PDE4A: variants seen among roughly 807,000 people sequenced by gnomAD.
The protein encoded by PDE4A is phosphodiesterase 4A, also known as 3',5'-cyclic-AMP phosphodiesterase 4A.
In PDE4A, 21 loss-of-function variants were observed where a neutral mutation model predicts 73.9. That is an observed-to-expected ratio of 0.28 (90% CI 0.20 to 0.41). The LOEUF (loss-of-function observed/expected upper bound fraction) is 0.41. Among genes scored for constraint, PDE4A ranks in the 10% least tolerant of loss-of-function variants. The pLI is 1.00. For synonymous variants in PDE4A, 463 were observed against 505.4 expected, an observed-to-expected ratio of 0.92 and a Z score of 1.13; for missense variants, 958 against 1,211.4, an observed-to-expected ratio of 0.79 and a Z score of 3.10.
chr19:10,448,916 G>A lies in PDE4A; in HGVS notation c.513-1G>A. 1 of 1,613,880 alleles carries A rather than the reference G, an allele frequency of 6.2e-7. No individual in the cohort carries two copies. Among genetic ancestry groups the A allele is most frequent in the South Asian group, 1.1e-5 (1 of 91,042 alleles). On this transcript the variant is annotated splice_acceptor_variant, in intron 2 of 14. Coordinates refer to ENST00000380702, the MANE Select transcript of PDE4A (RefSeq NM_001111307.2). LOFTEE classifies it high-confidence loss of function. Reference sequence around the variant, plus strand: ...TGACCTGCCTCTGTCCTCAATCACAGGCACGCTGAAGACCTCATCGTAACA... The same window carrying A: ...TGACCTGCCTCTGTCCTCAATCACAAGCACGCTGAAGACCTCATCGTAACA...
intron 1 of PDE4A, among the ~76,000 whole-genome samples, chr19:10,431,991 C>G (rs1052572786): frequency 6.6e-6 from 1 of 152,086 alleles, no homozygotes; most frequent in Admixed American, 6.5e-5. Flanking sequence ...GTCACCCGGC[C>G]CCACACTCGA....
Position 10,436,598 on chromosome 19 carries a change from G to C in PDE4A, c.321-9620G>C, listed in dbSNP as rs536648857. On this transcript the variant is annotated intron_variant, in intron 1 of 14. Coordinates refer to ENST00000380702, the MANE Select transcript of PDE4A (RefSeq NM_001111307.2). ...CAGGACCTATATGTTAACTTATAGA[G>C]TGGGTTGGAGCCCTCTGTCGGTTAA... Among the ~76,000 whole-genome samples, 4 of 152,298 alleles carry C rather than the reference G, an allele frequency of 2.6e-5. No individual in the cohort carries two copies. In the East Asian group the frequency reaches 5.8e-4, roughly 22 times the overall value.
Position 10,420,615 on chromosome 19 carries a change from C to A in PDE4A, c.-150C>A. 7.7e-7 allele frequency: 1 copy of A among 1,303,408 alleles called. No individual in the cohort carries two copies. The highest frequency in any genetic ancestry group is 9.7e-7 in the Non-Finnish European group (1 of 1,031,180). The allele number at this position is 1,303,408 out of a possible 1,614,324, so 80.7% of individuals were successfully genotyped here. ...GCCCGGCCCGGGGGCGATTGGCCCGCAGCGCCCCCGGGTCTGTCCCCGGGG... is the reference window on the plus strand; with the variant it reads ...GCCCGGCCCGGGGGCGATTGGCCCGAAGCGCCCCCGGGTCTGTCCCCGGGG... On this transcript the variant is annotated 5_prime_UTR_variant, in exon 1 of 15. Transcript: ENST00000380702. This position sits in a 1 kb window ranked among gnomAD's most constrained non-coding sequence, Gnocchi z 6.0.
At chr19:10,433,339 C>T (rs2042820705) in intron 1 of PDE4A, among the ~76,000 whole-genome samples, 1 of 152,142 alleles carries the variant, frequency 6.6e-6, no homozygotes, top group South Asian at 2.1e-4. Context: ...CACTGCGTTC[C>T]TCCACAGTGG....
At chr19:10,430,589 C>T (rs1239259251) in intron 1 of PDE4A, among the ~76,000 whole-genome samples, 1 of 152,008 alleles carries the variant, frequency 6.6e-6, no homozygotes, top group African/African-American at 2.4e-5. Flanking sequence ...TTTGTGGGGA[C>T]GCGTCCGGCG....
At chr19:10,420,307 G>C, upstream of PDE4A, 5 of 835,526 alleles carry the variant, frequency 6.0e-6, no homozygotes, top group Non-Finnish European at 7.2e-6. The surrounding 1 kb of genome is among the most constrained non-coding windows in gnomAD (Gnocchi z 6.0). Context: ...GGCCAAGCAG[G>C]GTGCTTTGAA....
intron 1 of PDE4A, among the ~76,000 whole-genome samples, chr19:10,441,343 T>C (rs928888155): frequency 3.9e-5 from 6 of 151,978 alleles, no homozygotes; most frequent in Admixed American, 2.6e-4. Flanking sequence ...TCTGGGCTGG[T>C]CTCGAACTCC....
In PDE4A at chr19:10,420,942, C is replaced by T; in HGVS notation, c.178C>T (p.Gln60Ter). 1 of 1,567,248 alleles carries T rather than the reference C, an allele frequency of 6.4e-7. No homozygotes were observed. The highest frequency in any genetic ancestry group is 8.6e-7 in the Non-Finnish European group (1 of 1,165,766). The part of the protein sequence containing the change: ...DSAERAERER[Q>*]PHRPIERADA... ...CGCGGAGCGCGCCGAGCGGGAGCGG[C>T]AGCCGCACCGGCCCATAGAGCGCGC... The change falls in exon 1 of 15, where the codon CAG becomes TAG. Residue 60 changes from glutamine (Q) to a stop codon, truncating the protein, a stop_gained. Transcript: ENST00000380702. LOFTEE classifies it high-confidence loss of function. The surrounding 1 kb of genome is among the most constrained non-coding windows in gnomAD (Gnocchi z 6.0).
chr19:10,450,823 C>G lies in PDE4A; in HGVS notation c.671-6C>G. ...TCAGTCACTACCCTGGCTGCCCCTTCCTTAGAAGAAACGTGTCAGCAGTTG... is the reference window on the plus strand; with the variant it reads ...TCAGTCACTACCCTGGCTGCCCCTTGCTTAGAAGAAACGTGTCAGCAGTTG... On this transcript the variant is annotated splice_region_variant and splice_polypyrimidine_tract_variant and intron_variant, in intron 5 of 14. Transcript: ENST00000380702. The G allele has an allele frequency of 6.2e-7, 1 of 1,604,694 alleles. No individual in the cohort carries two copies. Among genetic ancestry groups the G allele is most frequent in the Non-Finnish European group, 8.5e-7 (1 of 1,175,806 alleles).
intron 1 of PDE4A, chr19:10,431,221 C>T: frequency 1.6e-6 from 1 of 618,248 alleles, no homozygotes; most frequent in East Asian, 3.5e-5. Context: ...AAAATCATCC[C>T]TGACCGCCAG....
At chr19:10,425,272 T>G (rs1429712352) in intron 1 of PDE4A, among the ~76,000 whole-genome samples, 1 of 151,592 alleles carries the variant, frequency 6.6e-6, no homozygotes, top group Non-Finnish European at 1.5e-5. Flanking sequence ...TGCAGACCGC[T>G]GGGTAACATT....
chr19:10,448,422 A>G (rs554843903), intron 2 of PDE4A, among the ~76,000 whole-genome samples: 24 of 152,146 alleles, frequency 1.6e-4, no homozygotes, highest in Non-Finnish European at 2.4e-4. Context: ...AGATTGTTCC[A>G]GGCCAGGAGT....
Position 10,461,984 on chromosome 19 carries a change from C to A in PDE4A, c.1728C>A (p.Tyr576Ter), listed in dbSNP as rs202016131. 1 of 1,613,624 alleles carries A rather than the reference C, an allele frequency of 6.2e-7. No individual in the cohort carries two copies. The highest frequency in any genetic ancestry group is 2.2e-5 in the East Asian group (1 of 44,888). Residue 576 changes from tyrosine to a stop codon, truncating the protein, a stop_gained, in exon 13 of 15, where the codon TAC becomes TAA. Transcript: ENST00000380702. LOFTEE classifies it high-confidence loss of function. ...TSSGVLLLDN[Y>*]SDRIQVLRNM... is the part of the protein sequence containing the mutation. The stretch of plus-strand genomic sequence containing the variant: ...CAGGGGTCCTCCTGCTAGATAACTA[C>A]TCCGACCGCATCCAGGTGCCCCCAC...
At chr19:10,428,721 T>C in intron 1 of PDE4A, 2 of 953,820 alleles carry the variant, frequency 2.1e-6, no homozygotes, top group Non-Finnish European at 2.5e-6. Flanking sequence ...TAGCCCGAGA[T>C]CAAATGGCTA....
rs556158597 is a variant in PDE4A, at chr19:10,424,948, C to T, written c.320+3864C>T. Among the ~76,000 whole-genome samples the T allele has an allele frequency of 3.5e-4, 54 of 152,314 alleles. No homozygotes were observed. The highest frequency in any genetic ancestry group is 1.3e-3 in the African/African-American group (54 of 41,582). On this transcript the variant is annotated intron_variant, in intron 1 of 14. Transcript: ENST00000380702. This position sits in a 1 kb window ranked among gnomAD's most constrained non-coding sequence, Gnocchi z 4.8. ...TAGGAGTTAAAAACCAGATCTCGGC[C>T]AGGCGCGGTGGCTCTGTAATCTGAG...
rs1450105682 is a variant in PDE4A, at chr19:10,453,783, C to T, written c.784-1046C>T. On this transcript the variant is annotated intron_variant, in intron 6 of 14. Coordinates refer to ENST00000380702, the MANE Select transcript of PDE4A (RefSeq NM_001111307.2). The surrounding 1 kb of genome is among the most constrained non-coding windows in gnomAD (Gnocchi z 4.6). ...TGATCTGTGTGTCTGGGCTGTGTGACGCTGTGTAGGACTGAGAGCCTGTGA... is the reference window on the plus strand; with the variant it reads ...TGATCTGTGTGTCTGGGCTGTGTGATGCTGTGTAGGACTGAGAGCCTGTGA... 2.6e-5 allele frequency among the ~76,000 whole-genome samples: 4 copies of T among 152,014 alleles called. No homozygotes were observed. Among genetic ancestry groups the T allele is most frequent in the African/African-American group, 7.3e-5 (3 of 41,368 alleles).
chr19:10,445,120 G>A (rs2042986697), intron 1 of PDE4A, among the ~76,000 whole-genome samples: 1 of 152,188 alleles, frequency 6.6e-6, no homozygotes. Flanking sequence ...ATCCATCGAA[G>A]GTTCTGAGCA....
At chr19:10,443,996 G>A (rs1292661500) in intron 1 of PDE4A, among the ~76,000 whole-genome samples, 18 of 130,812 alleles carry the variant, frequency 1.4e-4, no homozygotes, top group African/African-American at 5.4e-4. Context: ...GACAGAGCAA[G>A]ACTGTCTCAA....
At chr19:10,460,607 C>T (rs2043247724) in intron 10 of PDE4A, among the ~76,000 whole-genome samples, 1 of 150,424 alleles carries the variant, frequency 6.6e-6, no homozygotes, top group Non-Finnish European at 1.5e-5. Context: ...CAGAAATGGC[C>T]AACATGGCGA....
Sources: allele counts gnomAD v4.1 joint callset (sites outside exome capture counted in the v4.1 genomes callset), GRCh38; gene constraint gnomAD v4.1.1; non-coding constraint Gnocchi (gnomAD v3.1); transcripts MANE v1.5; gene names NCBI Gene and HGNC (gene_info 2026-07-23, HGNC 2026-07-21).